SNX29: variants seen among roughly 807,000 people sequenced by gnomAD.
SNX29 encodes the protein sorting nexin-29.
SNX29 carries 78 observed loss-of-function variants against 102.1 expected under a neutral mutation model. The observed-to-expected ratio is 0.76, with a 90% CI of 0.64 to 0.92. The LOEUF (loss-of-function observed/expected upper bound fraction) is 0.92. Ranked by LOEUF, SNX29 falls within the 40% of genes least tolerant of loss-of-function variation. SNX29 has a pLI of 0.00. For synonymous variants in SNX29, 580 were observed against 414.5 expected (o/e 1.40, Z -4.85); for missense variants, 1,280 against 1,061.7 (o/e 1.21, Z -2.86).
At chr16:12,013,528 T>G (rs1188887681) in intron 3 of SNX29, among the ~76,000 whole-genome samples, 2 of 116,010 alleles carry the variant, frequency 1.7e-5, no homozygotes, top group African/African-American at 6.4e-5. Flanking sequence ...TATATATATA[T>G]ATATATATAT....
rs181354391 is a variant in SNX29 at position 12,142,938 on chromosome 16, A to G, written c.1595+13180A>G. ...GCTTAGTCAATCAGAGAGAAACACA[A>G]TACAGCTGATTCTGTCCTGTGGGTG... On this transcript the variant is annotated intron_variant, in intron 13 of 20. Coordinates refer to ENST00000566228, the MANE Select transcript of SNX29 (RefSeq NM_032167.5). 2.4e-3 allele frequency among the ~76,000 whole-genome samples: 369 copies of G among 152,174 alleles called. 3 individuals carry two copies. Among genetic ancestry groups the G allele is most frequent in the Non-Finnish European group, 6.6e-4 (45 of 68,010 alleles).
chr16:12,139,979 T>TGA (rs144110763), intron 13 of SNX29, among the ~76,000 whole-genome samples: 15,602 of 62,388 alleles, frequency 0.25, 1,825 homozygotes, highest in East Asian at 0.44. Flanking sequence ...ATACCCTGTC[T>TGA]CAAAAAAAAA....
intron 15 of SNX29, among the ~76,000 whole-genome samples, chr16:12,281,470 G>A (rs954386546): frequency 3.9e-5 from 6 of 152,120 alleles, no homozygotes; most frequent in African/African-American, 1.4e-4. Context: ...AAGGACTGGA[G>A]GTATAAAAAT....
intron 4 of SNX29, among the ~76,000 whole-genome samples, chr16:12,040,546 C>T (rs1230690060): frequency 3.3e-5 from 5 of 152,170 alleles, no homozygotes; most frequent in Non-Finnish European, 7.3e-5. Flanking sequence ...TATCCTCAGA[C>T]TGAGTAATTC....
At chr16:12,550,756 G>A (rs1240530982) in intron 20 of SNX29, among the ~76,000 whole-genome samples, 2 of 151,648 alleles carry the variant, frequency 1.3e-5, no homozygotes, top group African/African-American at 2.4e-5. Flanking sequence ...TGATAAAATA[G>A]TTGAAAAAGT....
At chr16:12,187,393 A>AAT (rs796952801) in intron 13 of SNX29, among the ~76,000 whole-genome samples, 5 of 152,276 alleles carry the variant, frequency 3.3e-5, no homozygotes, top group African/African-American at 1.2e-4. Context: ...TGTCTCTACT[A>AAT]AAAGTACAAA....
chr16:12,549,194 C>T (rs572787285), intron 20 of SNX29, among the ~76,000 whole-genome samples: 26 of 152,276 alleles, frequency 1.7e-4, no homozygotes, highest in Admixed American at 7.2e-4. Flanking sequence ...GGGCTAGGCA[C>T]CCCTCACGAT....
chr16:12,118,767 G>A (rs191411081), intron 11 of SNX29, among the ~76,000 whole-genome samples: 1 of 152,066 alleles, frequency 6.6e-6, no homozygotes, highest in African/African-American at 2.4e-5. Context: ...TCTGTGAGTG[G>A]GACAGGCAGG....
At chr16:12,019,601 T>TAGAC (rs1228157909) in intron 3 of SNX29, among the ~76,000 whole-genome samples, 1 of 149,442 alleles carries the variant, frequency 6.7e-6, no homozygotes, top group African/African-American at 2.5e-5. Flanking sequence ...TATAGATAGA[T>TAGAC]AGATAGATAG....
intron 11 of SNX29, among the ~76,000 whole-genome samples, chr16:12,095,524 C>T (rs568667671): frequency 2.8e-4 from 43 of 152,286 alleles, no homozygotes; most frequent in Non-Finnish European, 5.3e-4. Context: ...AAACATCAAG[C>T]ATGCATGCAG....
intron 1 of SNX29, among the ~76,000 whole-genome samples, chr16:11,983,920 A>G (rs780201460): frequency 8.5e-5 from 13 of 152,220 alleles, no homozygotes; most frequent in Non-Finnish European, 1.6e-4. Context: ...CAGGAGAGAA[A>G]AAAAACTTAC....
chr16:12,314,627 T>TAAA (rs2080672265), intron 15 of SNX29, among the ~76,000 whole-genome samples: 3 of 152,246 alleles, frequency 2.0e-5, no homozygotes, highest in Admixed American at 6.5e-5. Flanking sequence ...TTTAAAAACT[T>TAAA]AAAGCTGTTT....
At chr16:12,451,757 G>C (rs1455417755) in intron 18 of SNX29, among the ~76,000 whole-genome samples, 3 of 152,194 alleles carry the variant, frequency 2.0e-5, no homozygotes, top group Non-Finnish European at 4.4e-5. Context: ...CCAGCTACTA[G>C]GGAGGCTGAG....
intron 9 of SNX29, among the ~76,000 whole-genome samples, chr16:12,067,076 T>G (rs146519565): frequency 0.02 from 3,050 of 151,910 alleles, 102 homozygotes; most frequent in Admixed American, 0.098. Context: ...TCCTAGCTAC[T>G]CAGGAGGCTG....
chr16:12,065,392 C>G (rs1243348291), intron 9 of SNX29, among the ~76,000 whole-genome samples: 1 of 152,198 alleles, frequency 6.6e-6, no homozygotes, highest in Admixed American at 6.5e-5. Context: ...CCTGTCAGTA[C>G]AAGGTGATAT....
rs1022651201 is a variant in SNX29, at chr16:12,110,019, G to A, written c.1403-16614G>A. Among the ~76,000 whole-genome samples, 10 of 152,268 alleles carry A rather than the reference G, an allele frequency of 6.6e-5. No individual in the cohort carries two copies. In the East Asian group the frequency reaches 1.4e-3, roughly 21 times the overall value. ...GCTGGGATTATAAGTGTGAGCCACC[G>A]TGCCCGGCCCTCGTCTTTAAAATGA... On this transcript the variant is annotated intron_variant, in intron 11 of 20. Coordinates refer to ENST00000566228, the MANE Select transcript of SNX29 (RefSeq NM_032167.5).
At chr16:12,562,394 G>A (rs898557453) in intron 20 of SNX29, among the ~76,000 whole-genome samples, 1 of 152,134 alleles carries the variant, frequency 6.6e-6, no homozygotes, top group Non-Finnish European at 1.5e-5. Context: ...TCAAGAGACA[G>A]ATCACATACC....
chr16:12,495,764 C>G (rs934625376), intron 19 of SNX29, among the ~76,000 whole-genome samples: 1 of 152,142 alleles, frequency 6.6e-6, no homozygotes, highest in Admixed American at 6.5e-5. Flanking sequence ...GACAGAATGT[C>G]TGCAGCTGGT....
intron 19 of SNX29, among the ~76,000 whole-genome samples, chr16:12,480,937 G>A (rs140587763): frequency 1.2e-3 from 187 of 152,078 alleles, no homozygotes; most frequent in East Asian, 4.8e-3. Context: ...GTGCAGTGAC[G>A]CTGTGTCAAC....
Sources: gnomAD v4.1 joint callset for allele counts (sites outside exome capture counted in the v4.1 genomes callset) on GRCh38, gnomAD v4.1.1 for gene constraint, MANE v1.5 for transcripts, NCBI Gene and HGNC (gene_info 2026-07-23, HGNC 2026-07-21) for gene names.